The following MYH15 variants were observed in gnomAD, a reference collection of about 807,000 sequenced individuals.
MYH15 encodes myosin-15.
Under a neutral mutation model 240.5 loss-of-function variants are expected in MYH15, and 227 were observed. That is an observed-to-expected ratio of 0.94 (90% CI 0.85 to 1.05). MYH15 has a LOEUF of 1.05. MYH15 is among the 50% of genes least tolerant of loss of function. MYH15 has a pLI of 0.00. For synonymous variants in MYH15, 785 were observed against 796.7 expected, an observed-to-expected ratio of 0.99 and a Z score of 0.25; for missense variants, 2,217 against 2,247.5, an observed-to-expected ratio of 0.99 and a Z score of 0.27.
chr3:108,397,920 G>C (rs1340250368), intron 35 of MYH15, among the ~76,000 whole-genome samples: 1 of 152,140 alleles, frequency 6.6e-6, no homozygotes, highest in Non-Finnish European at 1.5e-5. Flanking sequence ...CAGCATCCTG[G>C]CTGTGGATGC....
At chr3:108,400,338 T>C (rs2082494699) in intron 33 of MYH15, among the ~76,000 whole-genome samples, 1 of 152,224 alleles carries the variant, frequency 6.6e-6, no homozygotes, top group Non-Finnish European at 1.5e-5. Flanking sequence ...ACTGCTGTAA[T>C]TGACACATGA....
At chr3:108,420,092 C>T (rs933412288) in intron 28 of MYH15, among the ~76,000 whole-genome samples, 18 of 151,896 alleles carry the variant, frequency 1.2e-4, no homozygotes, top group African/African-American at 4.3e-4. Context: ...AAGAAAAACC[C>T]CCAACAGATT....
chr3:108,493,658 T>C (rs1447711528), intron 7 of MYH15, among the ~76,000 whole-genome samples: 2 of 152,228 alleles, frequency 1.3e-5, no homozygotes, highest in African/African-American at 2.4e-5. Context: ...ATGAATCTTA[T>C]AGTCTACTGG....
At chr3:108,492,044 C>A (rs2083352204) in intron 9 of MYH15, among the ~76,000 whole-genome samples, 1 of 151,986 alleles carries the variant, frequency 6.6e-6, no homozygotes, top group South Asian at 2.1e-4. Context: ...AGCTTGAGAC[C>A]AGCCTGGCCA....
chr3:108,442,059 C>T (rs2082888990), intron 22 of MYH15, among the ~76,000 whole-genome samples: 1 of 152,224 alleles, frequency 6.6e-6, no homozygotes, highest in Non-Finnish European at 1.5e-5. Context: ...AATAAAACCT[C>T]TTCTTCATGA....
Position 108,383,739 on chromosome 3 carries a change from T to A in MYH15, c.5632-10A>T, listed in dbSNP as rs7426463. 345,369 of 1,343,206 alleles carry A rather than the reference T, an allele frequency of 0.26. 40,116 individuals are homozygous for A. The highest frequency in any genetic ancestry group is 0.31 in the Middle Eastern group (1,234 of 4,008). 83.2% of individuals were successfully genotyped at this position (1,343,206 alleles called of 1,614,324 possible). On this transcript the variant is annotated splice_polypyrimidine_tract_variant and intron_variant, in intron 39 of 40. Coordinates refer to ENST00000693548, the MANE Select transcript of MYH15 (RefSeq NM_014981.3). ...GATTGGCTTGTGTTTCCTATAAAAA[T>A]AAAAAAAAAAAAAAAGAAATCTCCA...
chr3:108,484,582 G>T (rs548216382), intron 11 of MYH15, among the ~76,000 whole-genome samples: 1 of 152,198 alleles, frequency 6.6e-6, no homozygotes, highest in African/African-American at 2.4e-5. Flanking sequence ...AGGTTCCAGC[G>T]ATTCTCATGC....
rs1486679929 is a variant in MYH15 at position 108,500,166 on chromosome 3, G to C, written c.448C>G (p.Pro150Ala). 3 of 1,614,018 alleles carry C rather than the reference G, an allele frequency of 1.9e-6. No homozygotes were observed. Among genetic ancestry groups the C allele is most frequent in the Non-Finnish European group, 2.5e-6 (3 of 1,179,934 alleles). ...TTATTGGCAACAGCAAAGATGTGAGGGGGAGCCTCTGATCGCCTCTTCCCT... is the reference window on the plus strand; with the variant it reads ...TTATTGGCAACAGCAAAGATGTGAGCGGGAGCCTCTGATCGCCTCTTCCCT... The part of the protein sequence containing the change: ...YKGKRRSEAP[P>A]HIFAVANNAF... Residue 150 changes from proline (P) to alanine (A), a missense_variant, in exon 4 of 41, where the codon CCT becomes GCT. Pro to Ala is a conservative substitution (Grantham distance 27). Transcript: ENST00000693548.
intron 22 of MYH15, among the ~76,000 whole-genome samples, chr3:108,441,905 A>G (rs981101890): frequency 3.9e-5 from 6 of 152,192 alleles, no homozygotes; most frequent in African/African-American, 1.2e-4. Context: ...TCTTTCATTT[A>G]TCCTTTCACA....
At chr3:108,493,615 C>T (rs1428928325) in intron 7 of MYH15, among the ~76,000 whole-genome samples, 3 of 152,086 alleles carry the variant, frequency 2.0e-5, no homozygotes, top group East Asian at 1.9e-4. Context: ...CTGGAGATAC[C>T]GCACAAAAAA....
chr3:108,495,585 C>T (rs1224623859), intron 7 of MYH15, among the ~76,000 whole-genome samples, 195 bp downstream of exon 7: 1 of 152,084 alleles, frequency 6.6e-6, no homozygotes, highest in East Asian at 1.9e-4. Flanking sequence ...TCCTAAAATG[C>T]ATATTTATTT....
At chr3:108,550,850 T>C in the MYH15 span, 1 of 169,156 alleles carries the variant, frequency 5.9e-6, no homozygotes, top group Admixed American at 6.3e-5. Context: ...AGAAAGCAAC[T>C]AAGAAAAAGG....
intron 1 of MYH15, among the ~76,000 whole-genome samples, chr3:108,509,177 T>C (rs1306641177): frequency 6.6e-6 from 1 of 152,332 alleles, no homozygotes; most frequent in East Asian, 1.9e-4. Context: ...CAACTTTTGC[T>C]AACACTTGTC....
At chr3:108,473,110 C>T (rs1044128000) in intron 12 of MYH15, among the ~76,000 whole-genome samples, 14 of 152,292 alleles carry the variant, frequency 9.2e-5, no homozygotes, top group Admixed American at 2.6e-4. Context: ...AAGGTTCAAA[C>T]GATTCTCTTG....
intron 33 of MYH15, among the ~76,000 whole-genome samples, chr3:108,402,431 T>C (rs1265112802): frequency 2.0e-5 from 3 of 152,258 alleles, no homozygotes; most frequent in Non-Finnish European, 4.4e-5. Flanking sequence ...AACTATGGGC[T>C]GTGGGCCAAA....
chr3:108,408,431 G>A (rs1405674523), intron 31 of MYH15, 27 bp from the exon 32 acceptor site: 24 of 1,592,566 alleles, frequency 1.5e-5, no homozygotes, highest in Non-Finnish European at 2.0e-5. Flanking sequence ...GAAAAACAAA[G>A]TTAGTGAATG....
At chr3:108,477,527 T>C (rs1218703693) in intron 11 of MYH15, among the ~76,000 whole-genome samples, 2 of 152,190 alleles carry the variant, frequency 1.3e-5, no homozygotes, top group Non-Finnish European at 2.9e-5. Flanking sequence ...AAAATTGAGA[T>C]ATAATTTGTC....
chr3:108,514,528 A>G (rs760042650), upstream of MYH15, among the ~76,000 whole-genome samples: 1 of 152,144 alleles, frequency 6.6e-6, no homozygotes, highest in Non-Finnish European at 1.5e-5. Flanking sequence ...CAGAATAAAT[A>G]CTGTGCCCTC....
chr3:108,499,200 A>G (rs973631590), intron 5 of MYH15, among the ~76,000 whole-genome samples: 1 of 152,158 alleles, frequency 6.6e-6, no homozygotes, highest in Non-Finnish European at 1.5e-5. Flanking sequence ...GGTAATTAAG[A>G]CCAGCTTGTG....
Sources: allele counts gnomAD v4.1 joint callset (sites outside exome capture counted in the v4.1 genomes callset), GRCh38; gene constraint gnomAD v4.1.1; transcripts MANE v1.5; gene names NCBI Gene and HGNC (gene_info 2026-07-23, HGNC 2026-07-21).